The following SCN1A variants were observed in gnomAD, a reference collection of about 807,000 sequenced individuals.
The protein encoded by SCN1A is sodium voltage-gated channel alpha subunit 1, also known as sodium channel protein type 1 subunit alpha.
In SCN1A, 13 loss-of-function variants were observed where a neutral mutation model predicts 193.7. The ratio of observed to expected loss-of-function variants is 0.07; its 90% CI spans 0.04 to 0.11. The LOEUF (loss-of-function observed/expected upper bound fraction) is 0.11. Ranked by LOEUF, SCN1A falls within the 10% of genes least tolerant of loss-of-function variation. The pLI is 1.00. For missense variants in SCN1A, 1,432 were observed against 2,451.1 expected, an observed-to-expected ratio of 0.58 and a Z score of 8.78; for synonymous variants, 781 against 843.6, an observed-to-expected ratio of 0.93 and a Z score of 1.29.
intron 20 of SCN1A, among the ~76,000 whole-genome samples, chr2:166,014,592 C>CAA (rs3032611): frequency 7.1e-5 from 4 of 56,570 alleles, no homozygotes; most frequent in Non-Finnish European, 1.0e-4. Context: ...ATCTGGTTTT[C>CAA]AAAAAAAAAA....
chr2:166,035,887 G>A (rs564697797), intron 19 of SCN1A, among the ~76,000 whole-genome samples, 161 bp downstream of exon 19: 1 of 151,764 alleles, frequency 6.6e-6, no homozygotes, highest in East Asian at 1.9e-4. Flanking sequence ...TCAAAATTTA[G>A]AGCATGGTTT....
chr2:165,996,144 TA>T, intron 26 of SCN1A, 27 bp from the exon 27 acceptor site: 2 of 1,365,342 alleles, frequency 1.5e-6, no homozygotes, highest in Non-Finnish European at 2.1e-6. Flanking sequence ...TCAAACTGGT[TA>T]AAACTGTGTC....
At chr2:166,053,454 G>T (rs1698818070) in intron 7 of SCN1A, among the ~76,000 whole-genome samples, 1 of 151,950 alleles carries the variant, frequency 6.6e-6, no homozygotes, top group African/African-American at 2.4e-5. Flanking sequence ...AGAAATTTAG[G>T]CATGAAAAGG....
chr2:166,069,448 T>A lies in SCN1A; in HGVS notation c.264+3910A>T, dbSNP rs1684185487. ...ATTACATAATTTGCACATCTTAAAC[T>A]GGGACAAAGAGGATAAAAATATGTG... On this transcript the variant is annotated intron_variant, in intron 4 of 28. Coordinates refer to ENST00000674923, the MANE Select transcript of SCN1A (RefSeq NM_001165963.4). Among the ~76,000 whole-genome samples, 2 of 152,162 alleles carry A rather than the reference T, an allele frequency of 1.3e-5. 1 individual carries two copies. The highest frequency in any genetic ancestry group is 1.3e-4 in the Admixed American group (2 of 15,276).
chr2:166,009,994 AT>A (rs1407882814), intron 22 of SCN1A, among the ~76,000 whole-genome samples, 153 bp from the exon 23 acceptor site: 1 of 151,088 alleles, frequency 6.6e-6, no homozygotes, highest in African/African-American at 2.4e-5. Context: ...TAAAGAAATA[AT>A]TTCAGTTTGA....
chr2:166,077,553 A>C (rs575257423), intron 3 of SCN1A, among the ~76,000 whole-genome samples, 157 bp downstream of exon 3: 11 of 152,116 alleles, frequency 7.2e-5, no homozygotes, highest in African/African-American at 2.6e-4. Flanking sequence ...CGAAGTCCAG[A>C]ACACTAACAA....
chr2:166,114,359 G>A (rs183774827), intron 2 of SCN1A, among the ~76,000 whole-genome samples: 2 of 152,276 alleles, frequency 1.3e-5, no homozygotes, highest in East Asian at 3.9e-4. Context: ...AGGAGAGAGT[G>A]AATGAAAGTA....
chr2:166,115,895 G>C (rs1223517418), intron 2 of SCN1A, among the ~76,000 whole-genome samples: 2 of 152,156 alleles, frequency 1.3e-5, no homozygotes, highest in Non-Finnish European at 1.5e-5. Context: ...TGATAGAAAT[G>C]TATACAGGAC....
intron 9 of SCN1A, among the ~76,000 whole-genome samples, chr2:166,050,618 T>TATAC (rs1469872369): frequency 1.2e-5 from 1 of 86,920 alleles, no homozygotes; most frequent in African/African-American, 4.5e-5. Context: ...AAAAAGTATA[T>TATAC]ATATATATAT....
intron 4 of SCN1A, among the ~76,000 whole-genome samples, chr2:166,072,630 G>A (rs1169566180): frequency 6.6e-6 from 1 of 152,016 alleles, no homozygotes; most frequent in African/African-American, 2.4e-5. Context: ...CATCAAATTT[G>A]TTTGCATGAA....
intron 19 of SCN1A, among the ~76,000 whole-genome samples, chr2:166,029,419 C>T (rs1249362401): frequency 6.6e-6 from 1 of 151,978 alleles, no homozygotes; most frequent in Non-Finnish European, 1.5e-5. Context: ...TTGGCAGTCC[C>T]TAGTGATCAA....
intron 2 of SCN1A, among the ~76,000 whole-genome samples, chr2:166,109,882 G>T (rs1689111135): frequency 6.6e-6 from 1 of 151,972 alleles, no homozygotes. Context: ...GGGGAGGTGG[G>T]AATGATTAAT....
chr2:166,146,664 A>G (rs1322542117), intron 1 of SCN1A, among the ~76,000 whole-genome samples: 1 of 152,130 alleles, frequency 6.6e-6, no homozygotes, highest in African/African-American at 2.4e-5. Flanking sequence ...ATGTAAGCCA[A>G]CCTCTCATCT....
chr2:166,043,306 T>A lies in SCN1A; in HGVS notation c.2043+363A>T, dbSNP rs187619856. On this transcript the variant is annotated intron_variant, in intron 14 of 28. Transcript: ENST00000674923. ...GATCTTGAAGAATCCATTGGAAAGA[T>A]TTATTACATACCCTTGACACTTAAA... 2.6e-5 allele frequency among the ~76,000 whole-genome samples: 4 copies of A among 152,304 alleles called. No individual in the cohort carries two copies. In the East Asian group the frequency reaches 7.7e-4, roughly 29 times the overall value.
At chr2:166,047,818 A>G (rs1178488145) in intron 10 of SCN1A, 50 bp from the exon 11 acceptor site, 1 of 1,610,794 alleles carries the variant, frequency 6.2e-7, no homozygotes, top group Non-Finnish European at 8.5e-7. Context: ...CTGCCTTTTT[A>G]CTCTGATACT....
At chr2:166,068,413 G>T (rs1297965197) in intron 4 of SCN1A, among the ~76,000 whole-genome samples, 3 of 152,130 alleles carry the variant, frequency 2.0e-5, no homozygotes, top group African/African-American at 7.2e-5. Context: ...AGAAAGATTG[G>T]GAAGTCAACT....
rs1423227098 is a variant in SCN1A, at chr2:166,043,837, G to A, written c.1875C>T (p.Thr625=). Residue 625 remains threonine (T), a synonymous_variant, in exon 14 of 29, where the codon ACC becomes ACT. Coordinates refer to ENST00000674923, the MANE Select transcript of SCN1A (RefSeq NM_001165963.4). Reference sequence around the variant, plus strand: ...CTGCCAGCATCCGGGATGACCTACTGGTCTGACTCAGGTTGCTGTTGCGTC... The same window carrying A: ...CTGCCAGCATCCGGGATGACCTACTAGTCTGACTCAGGTTGCTGTTGCGTC... The part of the protein sequence containing the change: ...GERRNSNLSQ[T]SRSSRMLAVF... 1.9e-6 allele frequency: 3 copies of A among 1,614,022 alleles called. No individual in the cohort carries two copies. The highest frequency in any genetic ancestry group is 2.5e-6 in the Non-Finnish European group (3 of 1,180,022).
chr2:165,986,556 G>C lies in SCN1A; in HGVS notation c.*4689C>G, dbSNP rs1688620308. 6.6e-6 allele frequency: 1 copy of C among 151,998 alleles called. No individual in the cohort carries two copies. Among genetic ancestry groups the C allele is most frequent in the Non-Finnish European group, 1.5e-5 (1 of 67,972 alleles). 9.4% of individuals were successfully genotyped at this position (151,998 alleles called of 1,614,324 possible). A position where few individuals can be genotyped will look rare whatever the true frequency, so the allele number is the denominator to read the frequency against. ...CAGGAAGATTACTGCTAGGAAATGA[G>C]AATAGTAGTTAAAAAACCAGTATAT... On this transcript the variant is annotated 3_prime_UTR_variant, in exon 29 of 29. Coordinates refer to ENST00000674923, the MANE Select transcript of SCN1A (RefSeq NM_001165963.4).
chr2:166,023,838 C>A (rs1376242983), intron 19 of SCN1A, among the ~76,000 whole-genome samples: 1 of 151,792 alleles, frequency 6.6e-6, no homozygotes, highest in African/African-American at 2.4e-5. Flanking sequence ...TGCAATGGCG[C>A]AATCTCGGCT....
Sources: gnomAD v4.1 joint callset for allele counts (sites outside exome capture counted in the v4.1 genomes callset) on GRCh38, gnomAD v4.1.1 for gene constraint, MANE v1.5 for transcripts, NCBI Gene and HGNC (gene_info 2026-07-23, HGNC 2026-07-21) for gene names.